The following ROBO1 variants were observed in gnomAD, a reference collection of about 807,000 sequenced individuals.
ROBO1 encodes the protein roundabout homolog 1.
A neutral mutation model predicts 195.9 loss-of-function variants in ROBO1; 149 were observed. The observed-to-expected ratio is 0.76, with a 90% CI of 0.67 to 0.87. ROBO1 has a LOEUF of 0.87. Ranked by LOEUF, ROBO1 falls within the 40% of genes least tolerant of loss-of-function variation. The pLI, the probability that ROBO1 is intolerant of heterozygous loss-of-function variation, is 0.00. For synonymous variants in ROBO1, 816 were observed against 733.2 expected (o/e 1.11, Z -1.82); for missense variants, 1,933 against 2,068.3 (o/e 0.93, Z 1.27).
chr3:79,082,818 ATGGAGAGAGGCAGGTTGATGGTG>A (rs1199810076), intron 3 of ROBO1, among the ~76,000 whole-genome samples: 14 of 152,110 alleles, frequency 9.2e-5, no homozygotes, highest in Middle Eastern at 3.4e-3. Flanking sequence ...CTTGTATGGT[ATGGAGAGAGGCAGGTTGATGGTG>A]TGGAGAGAGG....
chr3:79,712,835 T>C (rs1316287436), intron 1 of ROBO1, among the ~76,000 whole-genome samples: 1 of 152,126 alleles, frequency 6.6e-6, no homozygotes, highest in Admixed American at 6.6e-5. Context: ...CCTAGTGCCC[T>C]TAAGAATGAT....
At chr3:79,527,393 T>C (rs1248756029) in intron 2 of ROBO1, among the ~76,000 whole-genome samples, 1 of 152,152 alleles carries the variant, frequency 6.6e-6, no homozygotes, top group African/African-American at 2.4e-5. Context: ...TACTAATAAA[T>C]GAAGTTCTTC....
At chr3:79,107,002 C>A (rs186552670) in intron 3 of ROBO1, among the ~76,000 whole-genome samples, 284 of 151,610 alleles carry the variant, frequency 1.9e-3, no homozygotes, top group Non-Finnish European at 3.3e-3. Flanking sequence ...CAAAATATAT[C>A]ATTTATAAGG....
rs187891262 is a variant in ROBO1, at chr3:79,370,597, G to A, written c.88+219227C>T. ...TCTTGTACTACCCTAATTCCTTTTC[G>A]ACTTCTTTACTTCTTCAACAGGGTG... is the stretch of plus-strand genomic sequence containing the variant. On this transcript the variant is annotated intron_variant, in intron 2 of 30. Transcript: ENST00000464233. Among the ~76,000 whole-genome samples, 927 of 151,166 alleles carry A rather than the reference G, an allele frequency of 6.1e-3. 5 individuals are homozygous for A. The highest frequency in any genetic ancestry group is 9.6e-3 in the Non-Finnish European group (649 of 67,662).
chr3:79,141,491 C>G (rs370452384), intron 2 of ROBO1, among the ~76,000 whole-genome samples: 1 of 151,830 alleles, frequency 6.6e-6, no homozygotes. Context: ...AAAGCGCAGT[C>G]GAGGCTTACC....
chr3:79,156,765 A>G (rs756069649), intron 2 of ROBO1, among the ~76,000 whole-genome samples: 11 of 151,916 alleles, frequency 7.2e-5, no homozygotes, highest in Non-Finnish European at 1.6e-4. Flanking sequence ...TTAGTAAAGT[A>G]TAATCTAGTT....
At chr3:78,785,941 T>C (rs573984005) in intron 4 of ROBO1, among the ~76,000 whole-genome samples, 1 of 152,316 alleles carries the variant, frequency 6.6e-6, no homozygotes, top group South Asian at 2.1e-4. Context: ...GTGAATTTGC[T>C]AAATCAAAAT....
intron 2 of ROBO1, among the ~76,000 whole-genome samples, chr3:79,496,408 G>A (rs1181456182): frequency 2.6e-5 from 1 of 38,276 alleles, no homozygotes; most frequent in African/African-American, 1.6e-4. Flanking sequence ...ACGGAGTCTC[G>A]CTCTGTCGCC....
chr3:79,732,112 C>T (rs1477439412), intron 1 of ROBO1, among the ~76,000 whole-genome samples: 2 of 151,706 alleles, frequency 1.3e-5, no homozygotes, highest in Non-Finnish European at 1.5e-5. Context: ...CAGTATGTTA[C>T]TATATTAAAT....
At chr3:79,719,184 A>C (rs12163527) in intron 1 of ROBO1, among the ~76,000 whole-genome samples, 44,978 of 151,916 alleles carry the variant, frequency 0.3, 7,858 homozygotes, top group East Asian at 0.57. Context: ...CAAAGAAAAA[A>C]AAAAGATAGA....
intron 2 of ROBO1, among the ~76,000 whole-genome samples, chr3:79,325,444 A>C (rs2034165320): frequency 6.6e-6 from 1 of 152,206 alleles, no homozygotes; most frequent in South Asian, 2.1e-4. Context: ...TTTCTGCAAA[A>C]GGTAAAGCAA....
intron 2 of ROBO1, among the ~76,000 whole-genome samples, chr3:79,470,578 C>G (rs917063201): frequency 6.6e-6 from 1 of 152,114 alleles, no homozygotes; most frequent in African/African-American, 2.4e-5. Flanking sequence ...CCAAATCTCA[C>G]CTTGAATTGT....
At chr3:79,173,721 G>A (rs987881759) in intron 2 of ROBO1, among the ~76,000 whole-genome samples, 1 of 152,178 alleles carries the variant, frequency 6.6e-6, no homozygotes, top group African/African-American at 2.4e-5. Flanking sequence ...CAGGGTGCAG[G>A]ACCGGCAGGC....
intron 26 of ROBO1, among the ~76,000 whole-genome samples, chr3:78,620,466 C>T (rs766441097): frequency 5.3e-5 from 8 of 152,068 alleles, no homozygotes; most frequent in Non-Finnish European, 8.8e-5. Context: ...GATCCAAGAT[C>T]GTGCCACTGC....
intron 1 of ROBO1, among the ~76,000 whole-genome samples, chr3:79,679,625 G>A (rs1480449412): frequency 6.6e-6 from 1 of 152,016 alleles, no homozygotes; most frequent in African/African-American, 2.4e-5. Flanking sequence ...CAATCAGATA[G>A]TGTTTAAATC....
chr3:79,213,698 T>C (rs2082003718), intron 2 of ROBO1, among the ~76,000 whole-genome samples: 1 of 151,702 alleles, frequency 6.6e-6, no homozygotes, highest in African/African-American at 2.4e-5. Flanking sequence ...GTAGTTTCTG[T>C]AACAATTAGC....
chr3:79,700,317 T>TTCTG (rs1553793339), intron 1 of ROBO1, among the ~76,000 whole-genome samples: 1 of 144,150 alleles, frequency 6.9e-6, no homozygotes, highest in Non-Finnish European at 1.5e-5. Flanking sequence ...GTGTGTGTGT[T>TTCTG]TGTGTGTGTG....
chr3:78,968,671 CTTCT>C (rs534769479), intron 3 of ROBO1, among the ~76,000 whole-genome samples: 144 of 151,322 alleles, frequency 9.5e-4, no homozygotes, highest in African/African-American at 3.2e-3. Context: ...TTCACTCAGT[CTTCT>C]TTCTTTCTTT....
At chr3:79,302,377 T>G (rs2033001546) in intron 2 of ROBO1, among the ~76,000 whole-genome samples, 1 of 152,240 alleles carries the variant, frequency 6.6e-6, no homozygotes, top group African/African-American at 2.4e-5. Context: ...CTATAACATT[T>G]GTTTCTATTT....
Sources: allele counts gnomAD v4.1 joint callset (sites outside exome capture counted in the v4.1 genomes callset), GRCh38; gene constraint gnomAD v4.1.1; transcripts MANE v1.5; gene names NCBI Gene and HGNC (gene_info 2026-07-23, HGNC 2026-07-21).